The following CD84 variants were observed in gnomAD, a reference collection of about 807,000 sequenced individuals.
CD84 encodes the protein CD84 molecule.
Under a neutral mutation model 33.8 loss-of-function variants are expected in CD84, and 22 were observed. The ratio of observed to expected loss-of-function variants is 0.65; its 90% CI spans 0.46 to 0.93. The LOEUF (loss-of-function observed/expected upper bound fraction) is 0.93, where lower values mean the gene tolerates loss of function less well. Among genes scored for constraint, CD84 ranks in the 40% least tolerant of loss-of-function variants. CD84 has a pLI of 0.00. For missense variants in CD84, 400 were observed against 397.6 expected (o/e 1.01, Z -0.05); for synonymous variants, 154 against 145.2 (o/e 1.06, Z -0.44).
intron 5 of CD84, chr1:160,550,690 C>T (rs536783150): frequency 4.7e-5 from 46 of 985,300 alleles, no homozygotes; most frequent in African/African-American, 1.0e-4. Flanking sequence ...AACCTGGAGC[C>T]GGGCCCACTG....
chr1:160,553,308 G>A, intron 4 of CD84, 70 bp downstream of exon 4: 8 of 1,612,978 alleles, frequency 5.0e-6, no homozygotes, highest in Non-Finnish European at 6.8e-6. Context: ...GCTAAACCTT[G>A]GATAAATGGC....
chr1:160,546,962 T>A lies in CD84; in HGVS notation c.*1294A>T, dbSNP rs1306275528. On this transcript the variant is annotated 3_prime_UTR_variant, in exon 7 of 7. Coordinates refer to ENST00000368054, the MANE Select transcript of CD84 (RefSeq NM_003874.4). ...TATCTGCCTAATTGCAGCCCATTGC[T>A]GTCCAGCCTAGGACTATTCATTGGG... 7.6e-6 allele frequency: 3 copies of A among 395,272 alleles called. No homozygotes were observed. Among genetic ancestry groups the A allele is most frequent in the Non-Finnish European group, 1.3e-5 (3 of 224,520 alleles). 24.5% of individuals were successfully genotyped at this position (395,272 alleles called of 1,614,324 possible).
At chr1:160,575,639 C>T (rs1337851175) in intron 1 of CD84, among the ~76,000 whole-genome samples, 1 of 152,112 alleles carries the variant, frequency 6.6e-6, no homozygotes, top group Non-Finnish European at 1.5e-5. Flanking sequence ...TAGTCAGTTC[C>T]ACCTATATCA....
chr1:160,554,240 C>A, intron 2 of CD84, 94 bp from the exon 3 acceptor site: 2 of 1,239,234 alleles, frequency 1.6e-6, no homozygotes, highest in East Asian at 2.9e-5. Flanking sequence ...ATTTGCAAGC[C>A]ATCATTAAAA....
chr1:160,548,618 A>G lies in CD84; in HGVS notation c.922-297T>C, dbSNP rs559319154. The stretch of plus-strand genomic sequence containing the variant: ...TGGATTTTGATTATAGACTTGAGGC[A>G]ACATTCAGGTTCAAGCTACCTGCAT... On this transcript the variant is annotated intron_variant, in intron 6 of 6. Coordinates refer to ENST00000368054, the MANE Select transcript of CD84 (RefSeq NM_003874.4). 2.8e-4 allele frequency among the ~76,000 whole-genome samples: 42 copies of G among 152,280 alleles called. No homozygotes were observed. In the South Asian group the frequency reaches 8.5e-3, roughly 31 times the overall value.
intron 2 of CD84, among the ~76,000 whole-genome samples, chr1:160,558,081 TGGACAA>T (rs1222701341): frequency 6.6e-6 from 1 of 152,218 alleles, no homozygotes; most frequent in East Asian, 1.9e-4. Context: ...CCAGAGAGTC[TGGACAA>T]GGAAGGGAGC....
At chr1:160,550,800 T>TG (rs1656162419) in intron 5 of CD84, 138 bp downstream of exon 5, 1 of 1,519,252 alleles carries the variant, frequency 6.6e-7, no homozygotes, top group Non-Finnish European at 8.8e-7. Flanking sequence ...TTCCCTGACA[T>TG]GGTATTTCCT....
intron 1 of CD84, among the ~76,000 whole-genome samples, chr1:160,566,234 G>C (rs60884727): frequency 0.05 from 7,582 of 152,232 alleles, 642 homozygotes; most frequent in African/African-American, 0.17. Flanking sequence ...TTGGAAGATA[G>C]AAGCAGAGAG....
rs534277240 is a variant in CD84 at position 160,543,665 on chromosome 1, G to A, written c.*4591C>T. 1.3e-4 allele frequency: 20 copies of A among 148,242 alleles called. No homozygotes were observed. Among genetic ancestry groups the A allele is most frequent in the Non-Finnish European group, 2.8e-4 (19 of 67,338 alleles). 9.2% of individuals were successfully genotyped at this position (148,242 alleles called of 1,614,324 possible). A position where few individuals can be genotyped will look rare whatever the true frequency, so the allele number is the denominator to read the frequency against. On this transcript the variant is annotated 3_prime_UTR_variant, in exon 7 of 7. Coordinates refer to ENST00000368054, the MANE Select transcript of CD84 (RefSeq NM_003874.4). The stretch of plus-strand genomic sequence containing the variant: ...TCCCCTGTTCTCTCAGTCTAACTGG[G>A]GAGGCAGATATAGCATCAGGTAAGT...
intron 2 of CD84, among the ~76,000 whole-genome samples, chr1:160,560,100 T>C (rs933149525): frequency 1.3e-5 from 2 of 152,106 alleles, no homozygotes; most frequent in Non-Finnish European, 2.9e-5. Context: ...GCAGAAAGTT[T>C]ACAAAGATAT....
chr1:160,543,002 G>A lies in CD84; in HGVS notation c.*5254C>T, dbSNP rs1466257561. On this transcript the variant is annotated 3_prime_UTR_variant, in exon 7 of 7. Transcript: ENST00000368054. ...TCTGTTATTTTTGTGATTTTTAGTA[G>A]TGGAAATTTACAGTTTCTCTTATTT... 1 of 151,900 alleles carries A rather than the reference G, an allele frequency of 6.6e-6. No homozygotes were observed. Among genetic ancestry groups the A allele is most frequent in the Non-Finnish European group, 1.5e-5 (1 of 67,998 alleles). The allele number at this position is 151,900 out of a possible 1,614,324, so 9.4% of individuals were successfully genotyped here.
chr1:160,569,538 A>ACG (rs1553233847), intron 1 of CD84, among the ~76,000 whole-genome samples: 2,832 of 88,214 alleles, frequency 0.032, 55 homozygotes, highest in African/African-American at 0.072. Flanking sequence ...ACACACACAC[A>ACG]CACGCACGCA....
At chr1:160,552,879 T>C in intron 4 of CD84, 2 of 664,636 alleles carry the variant, frequency 3.0e-6, no homozygotes, top group Non-Finnish European at 5.5e-6. Flanking sequence ...CTTGAGGGTC[T>C]AAGATCAGGT....
At chr1:160,568,809 C>T (rs767308769) in intron 1 of CD84, among the ~76,000 whole-genome samples, 12 of 151,968 alleles carry the variant, frequency 7.9e-5, no homozygotes, top group African/African-American at 2.2e-4. Flanking sequence ...TTAGTAGAGA[C>T]GGGGTTTCAC....
In CD84 at chr1:160,548,257, T is replaced by G; in HGVS notation, c.986A>C (p.Ter329SerextTer11). The change falls in exon 7 of 7, where the codon TAG (stop) becomes TCG (serine). Residue 329 changes from the stop codon to serine, a stop_lost. Coordinates refer to ENST00000368054, the MANE Select transcript of CD84 (RefSeq NM_003874.4). ...PGTSSYEIVI[*>S] ...AGAGGGAGAATTCAGCCCAGCAGCC[T>G]AGATCACAATTTCATAGCTTGAAGT... is the stretch of plus-strand genomic sequence containing the variant. 1 of 1,614,168 alleles carries G rather than the reference T, an allele frequency of 6.2e-7. No homozygotes were observed. The highest frequency in any genetic ancestry group is 8.5e-7 in the Non-Finnish European group (1 of 1,180,010).
At chr1:160,552,703 A>AGTT (rs1177720290) in intron 4 of CD84, 2 of 1,546,156 alleles carry the variant, frequency 1.3e-6, no homozygotes, top group Admixed American at 3.9e-5. Flanking sequence ...CTGAGAACTT[A>AGTT]CAAGGGTTCT....
In CD84 at chr1:160,545,383, A is replaced by C. The variant is rs1379269464; in HGVS notation, c.*2873T>G. 2 of 152,226 alleles carry C rather than the reference A, an allele frequency of 1.3e-5. No individual in the cohort carries two copies. Among genetic ancestry groups the C allele is most frequent in the Non-Finnish European group, 2.9e-5 (2 of 68,048 alleles). 9.4% of individuals were successfully genotyped at this position (152,226 alleles called of 1,614,324 possible). On this transcript the variant is annotated 3_prime_UTR_variant, in exon 7 of 7. Coordinates refer to ENST00000368054, the MANE Select transcript of CD84 (RefSeq NM_003874.4). The stretch of plus-strand genomic sequence containing the variant: ...TCTTCAACGCATCCACAGAGTGAGG[A>C]GTGGTTTTATTTTAGGATAAACGCA...
intron 4 of CD84, chr1:160,552,595 C>G (rs767152879): frequency 2.6e-5 from 18 of 701,772 alleles, no homozygotes; most frequent in Non-Finnish European, 3.6e-5. Context: ...CAAGCTGGGA[C>G]TTTCACGCCT....
At position 160,548,329 on chromosome 1, in the gene CD84, G is replaced by A; in HGVS notation, c.922-8C>T. The A allele has an allele frequency of 1.9e-6, 3 of 1,614,132 alleles. No individual in the cohort carries two copies. The highest frequency in any genetic ancestry group is 2.5e-6 in the Non-Finnish European group (3 of 1,179,988). ...TGTGCTGGCTTTCCCCATCTGTGCA[G>A]GAGAGAAGCGTGAGAAAATGTTAAC... is the stretch of plus-strand genomic sequence containing the variant. On this transcript the variant is annotated splice_region_variant and splice_polypyrimidine_tract_variant and intron_variant, in intron 6 of 6. Coordinates refer to ENST00000368054, the MANE Select transcript of CD84 (RefSeq NM_003874.4).
Sources: allele counts gnomAD v4.1 joint callset (sites outside exome capture counted in the v4.1 genomes callset), GRCh38; gene constraint gnomAD v4.1.1; transcripts MANE v1.5; gene names NCBI Gene and HGNC (gene_info 2026-07-23, HGNC 2026-07-21).